The following CPNE8 variants were observed in gnomAD, a reference collection of about 807,000 sequenced individuals.
CPNE8 encodes the protein copine-8.
Under a neutral mutation model 81.5 loss-of-function variants are expected in CPNE8, and 45 were observed. The ratio of observed to expected loss-of-function variants is 0.55; its 90% CI spans 0.44 to 0.71. The LOEUF is 0.71. Ranked by LOEUF, CPNE8 falls within the 30% of genes least tolerant of loss-of-function variation. CPNE8 has a pLI of 0.00. For synonymous variants in CPNE8, 252 were observed against 226.3 expected (o/e 1.11, Z -1.02); for missense variants, 594 against 672.1 (o/e 0.88, Z 1.28).
chr12:38,655,566 C>T (rs1196352062), intron 19 of CPNE8, among the ~76,000 whole-genome samples: 1 of 152,118 alleles, frequency 6.6e-6, no homozygotes, highest in Non-Finnish European at 1.5e-5. Context: ...CTGTCTCATG[C>T]TGTAAAATAC....
intron 6 of CPNE8, among the ~76,000 whole-genome samples, chr12:38,803,554 C>G (rs1218251450): frequency 7.4e-6 from 1 of 135,288 alleles, no homozygotes; most frequent in East Asian, 2.4e-4. Flanking sequence ...CAATATCATA[C>G]TGAATGGGCA....
At chr12:38,753,154 G>A (rs1941386402) in intron 10 of CPNE8, among the ~76,000 whole-genome samples, 1 of 152,116 alleles carries the variant, frequency 6.6e-6, no homozygotes, top group Admixed American at 6.6e-5. Context: ...TGTTGATATA[G>A]AAAAATATCA....
intron 3 of CPNE8, among the ~76,000 whole-genome samples, chr12:38,868,158 G>A (rs1943942816): frequency 6.6e-6 from 1 of 151,918 alleles, no homozygotes; most frequent in Admixed American, 6.6e-5. Context: ...TTGAGATAAT[G>A]CTGATACCTC....
intron 6 of CPNE8, among the ~76,000 whole-genome samples, chr12:38,798,093 A>C (rs553694650): frequency 6.6e-6 from 1 of 152,190 alleles, no homozygotes; most frequent in Non-Finnish European, 1.5e-5. Context: ...TGAAAGTGAC[A>C]GGGAGAATGG....
At chr12:38,741,274 T>G (rs1941097131) in intron 10 of CPNE8, among the ~76,000 whole-genome samples, 1 of 152,108 alleles carries the variant, frequency 6.6e-6, no homozygotes, top group Non-Finnish European at 1.5e-5. Flanking sequence ...CTACCTGACT[T>G]CAAACTATAC....
chr12:38,825,536 T>C (rs752897280), intron 6 of CPNE8, among the ~76,000 whole-genome samples: 12 of 152,180 alleles, frequency 7.9e-5, no homozygotes, highest in Non-Finnish European at 1.5e-4. Flanking sequence ...CTCAACCCAA[T>C]TGTGCTTTTT....
intron 5 of CPNE8, among the ~76,000 whole-genome samples, chr12:38,833,604 GA>G (rs1424194717): frequency 6.7e-6 from 1 of 149,730 alleles, no homozygotes; most frequent in Admixed American, 6.7e-5. Flanking sequence ...TCAGCCTCCC[GA>G]GTAGCTGGGA....
intron 18 of CPNE8, among the ~76,000 whole-genome samples, chr12:38,674,736 C>G (rs1443142150): frequency 6.6e-6 from 1 of 152,104 alleles, no homozygotes; most frequent in Non-Finnish European, 1.5e-5. Context: ...ATACAACTTG[C>G]CTGTGGTGCT....
intron 6 of CPNE8, among the ~76,000 whole-genome samples, chr12:38,803,629 T>A (rs914494812): frequency 6.9e-6 from 1 of 145,356 alleles, no homozygotes; most frequent in African/African-American, 2.5e-5. Flanking sequence ...ACCGCTCCTA[T>A]TCAACATAGT....
chr12:38,882,645 C>T (rs1366569012), intron 1 of CPNE8, among the ~76,000 whole-genome samples: 1 of 152,120 alleles, frequency 6.6e-6, no homozygotes, highest in East Asian at 1.9e-4. Context: ...CAGGAGAAAG[C>T]TCTCTACTGT....
chr12:38,766,649 A>G (rs1268319646), intron 8 of CPNE8, among the ~76,000 whole-genome samples: 1 of 152,174 alleles, frequency 6.6e-6, no homozygotes, highest in East Asian at 1.9e-4. Flanking sequence ...CTTATTATAT[A>G]ACAACATATT....
chr12:38,831,881 C>CA (rs1177087479), intron 5 of CPNE8, among the ~76,000 whole-genome samples: 1 of 152,192 alleles, frequency 6.6e-6, no homozygotes, highest in African/African-American at 2.4e-5. Context: ...TGCGCACCTG[C>CA]AAATACTACA....
chr12:38,794,965 AC>A (rs1281803576), intron 6 of CPNE8, among the ~76,000 whole-genome samples: 11 of 152,088 alleles, frequency 7.2e-5, no homozygotes, highest in African/African-American at 2.7e-4. Context: ...AAAGTGGGAG[AC>A]CCTTACTTGC....
At chr12:38,827,849 C>T (rs868386206) in intron 6 of CPNE8, among the ~76,000 whole-genome samples, 2 of 151,772 alleles carry the variant, frequency 1.3e-5, no homozygotes, top group Non-Finnish European at 1.5e-5. Context: ...AAGTGAGGAC[C>T]GAAAAACTAC....
intron 15 of CPNE8, among the ~76,000 whole-genome samples, chr12:38,688,787 G>GTCCATAAGAATGATATAATGATATAAGTC (rs1449262156): frequency 2.4e-4 from 37 of 152,104 alleles, no homozygotes; most frequent in Non-Finnish European, 2.8e-4. Flanking sequence ...AGATGCAAAG[G>GTCCATAAGAATGATATAATGATATAAGTC]CATAAGAATG....
chr12:38,762,060 T>C, intron 9 of CPNE8, 52 bp downstream of exon 9: 1 of 927,948 alleles, frequency 1.1e-6, no homozygotes, highest in South Asian at 2.8e-5. Flanking sequence ...CAAATCACTG[T>C]AGATTTTTTT....
upstream of CPNE8, chr12:38,906,544 C>T (rs1460081110): frequency 3.0e-6 from 3 of 985,554 alleles, no homozygotes; most frequent in East Asian, 1.1e-4. Flanking sequence ...AACCATATAA[C>T]GCAGCTCCTT....
intron 13 of CPNE8, among the ~76,000 whole-genome samples, chr12:38,706,096 G>A (rs1444029652): frequency 6.6e-6 from 1 of 152,002 alleles, no homozygotes; most frequent in African/African-American, 2.4e-5. Flanking sequence ...ATAAACAACA[G>A]CATTGGAATT....
chr12:38,855,946 A>G (rs976866656), intron 3 of CPNE8, among the ~76,000 whole-genome samples: 2 of 152,006 alleles, frequency 1.3e-5, no homozygotes, highest in African/African-American at 4.8e-5. Context: ...AAAACAATGG[A>G]CAAGCCTTTA....
Sources: allele counts gnomAD v4.1 joint callset (sites outside exome capture counted in the v4.1 genomes callset), GRCh38; gene constraint gnomAD v4.1.1; transcripts MANE v1.5; gene names NCBI Gene and HGNC (gene_info 2026-07-23, HGNC 2026-07-21).